The following SH3BGRL2 variants were observed in gnomAD, a reference collection of about 807,000 sequenced individuals.
SH3BGRL2 encodes the protein SH3 domain-binding glutamic acid-rich-like protein 2.
SH3BGRL2 carries 21 observed loss-of-function variants against 14.8 expected under a neutral mutation model. The observed-to-expected ratio is 1.42, with a 90% CI of 1.01 to 2.05. SH3BGRL2 has a LOEUF of 2.05. SH3BGRL2 is among the 30% of genes most tolerant of loss of function. The pLI is 0.00. For synonymous variants in SH3BGRL2, 50 were observed against 47.8 expected (o/e 1.05, Z -0.19); for missense variants, 147 against 130.8 (o/e 1.12, Z -0.61).
upstream of SH3BGRL2, among the ~76,000 whole-genome samples, chr6:79,628,200 T>C (rs1314221962): frequency 1.3e-5 from 2 of 152,144 alleles, no homozygotes; most frequent in East Asian, 3.8e-4. Context: ...CATATCAAAA[T>C]TTTAACATTT....
At chr6:79,548,948 A>C in the SH3BGRL2 span, among the ~76,000 whole-genome samples, 1 of 152,166 alleles carries the variant, frequency 6.6e-6, no homozygotes, top group South Asian at 2.1e-4. Context: ...TCTTATTAAG[A>C]TATAAATTAA....
chr6:79,647,213 G>A (rs1769161619), intron 1 of SH3BGRL2, among the ~76,000 whole-genome samples: 1 of 151,968 alleles, frequency 6.6e-6, no homozygotes, highest in Non-Finnish European at 1.5e-5. Context: ...GTGATTATTT[G>A]TCTTTTTCAT....
chr6:79,558,587 C>T, the SH3BGRL2 span, among the ~76,000 whole-genome samples: 16 of 151,852 alleles, frequency 1.1e-4, no homozygotes, highest in African/African-American at 3.4e-4. Context: ...AAGATTGGCC[C>T]GGTGCGGTGG....
rs773338689 is a variant in SH3BGRL2 at position 79,699,505 on chromosome 6, C to G, written c.320C>G (p.Pro107Arg). The G allele has an allele frequency of 4.1e-6, 3 of 726,878 alleles. No homozygotes were observed. The highest frequency in any genetic ancestry group is 6.3e-6 in the Non-Finnish European group (3 of 473,752). 45.0% of individuals were successfully genotyped at this position (726,878 alleles called of 1,614,324 possible). Residue 107 changes from proline (P) to arginine (R), a missense_variant, in exon 4 of 4, where the codon CCT becomes CGT. Pro to Arg is a moderately radical substitution (Grantham distance 103). Transcript: ENST00000369838. ...TTTTTTTTTTTTTTATAGGCAGAAC[C>G]TTAGAGAAGAAGAGTGGAAGATGAC... ...LKPRLASKAE[P>R]
At chr6:79,549,106 A>C in the SH3BGRL2 span, among the ~76,000 whole-genome samples, 1 of 152,202 alleles carries the variant, frequency 6.6e-6, no homozygotes, top group African/African-American at 2.4e-5. Context: ...AAATAACAGA[A>C]ATGCCATGAA....
At chr6:79,549,825 C>A in the SH3BGRL2 span, among the ~76,000 whole-genome samples, 3 of 152,090 alleles carry the variant, frequency 2.0e-5, no homozygotes, top group Non-Finnish European at 4.4e-5. Context: ...TAATGAGTAA[C>A]CACCACAAAC....
chr6:79,637,879 A>G (rs1231145893), intron 1 of SH3BGRL2, among the ~76,000 whole-genome samples: 1 of 137,100 alleles, frequency 7.3e-6, no homozygotes, highest in Non-Finnish European at 1.6e-5. Flanking sequence ...AGAAAGAAAC[A>G]TTAAGATAAG....
chr6:79,564,269 CA>C, the SH3BGRL2 span, among the ~76,000 whole-genome samples: 1 of 151,426 alleles, frequency 6.6e-6, no homozygotes, highest in Admixed American at 6.6e-5. Context: ...TAAAATAAAT[CA>C]GCTGAAAAAT....
intron 2 of SH3BGRL2, among the ~76,000 whole-genome samples, chr6:79,689,339 G>A (rs78005872): frequency 0.021 from 3,235 of 151,934 alleles, 99 homozygotes; most frequent in African/African-American, 0.075. Flanking sequence ...TAAAAATAAC[G>A]CTTATAATTA....
At chr6:79,587,654 A>G in the SH3BGRL2 span, among the ~76,000 whole-genome samples, 2 of 152,220 alleles carry the variant, frequency 1.3e-5, no homozygotes, top group East Asian at 1.9e-4. Context: ...GGCAGGAAAG[A>G]CTTTCTTCTA....
chr6:79,640,177 C>G (rs1769002894), intron 1 of SH3BGRL2, among the ~76,000 whole-genome samples: 2 of 152,128 alleles, frequency 1.3e-5, no homozygotes, highest in Non-Finnish European at 2.9e-5. Context: ...GAAGCCTGTA[C>G]CAGCTAGAAA....
chr6:79,609,519 C>T, the SH3BGRL2 span, among the ~76,000 whole-genome samples: 1 of 152,188 alleles, frequency 6.6e-6, no homozygotes, highest in Non-Finnish European at 1.5e-5. Flanking sequence ...CTCAGCTCCT[C>T]ATGTGTCTGT....
the SH3BGRL2 span, among the ~76,000 whole-genome samples, chr6:79,595,481 A>G: frequency 6.6e-6 from 1 of 152,226 alleles, no homozygotes; most frequent in South Asian, 2.1e-4. Flanking sequence ...TATTAATAGT[A>G]TTTCAGAGAA....
At chr6:79,584,273 T>A in the SH3BGRL2 span, among the ~76,000 whole-genome samples, 3 of 152,194 alleles carry the variant, frequency 2.0e-5, no homozygotes, top group Admixed American at 2.0e-4. Context: ...CAAGCAGCTG[T>A]CATATGAATG....
chr6:79,584,327 C>T, the SH3BGRL2 span, among the ~76,000 whole-genome samples: 1 of 152,130 alleles, frequency 6.6e-6, no homozygotes, highest in Non-Finnish European at 1.5e-5. Context: ...TACCGGTGAG[C>T]ATGCATTCAG....
chr6:79,586,841 A>G, the SH3BGRL2 span, among the ~76,000 whole-genome samples: 34 of 152,308 alleles, frequency 2.2e-4, no homozygotes, highest in Admixed American at 5.9e-4. Context: ...CCATGCAAAA[A>G]TAGTTTTATG....
At chr6:79,648,343 A>T (rs13198607) in intron 1 of SH3BGRL2, among the ~76,000 whole-genome samples, 2 of 140,380 alleles carry the variant, frequency 1.4e-5, no homozygotes, top group East Asian at 2.0e-4. Flanking sequence ...TTATATATAT[A>T]ATATATATAT....
the SH3BGRL2 span, among the ~76,000 whole-genome samples, chr6:79,620,156 C>CT: frequency 1.1e-4 from 17 of 151,902 alleles, no homozygotes; most frequent in Middle Eastern, 3.4e-3. Context: ...CTGGTTCTCC[C>CT]TTTTTTTTCC....
the SH3BGRL2 span, among the ~76,000 whole-genome samples, chr6:79,540,177 G>GTC: frequency 1.3e-5 from 2 of 152,162 alleles, no homozygotes; most frequent in Non-Finnish European, 2.9e-5. Flanking sequence ...GCTCATGCCT[G>GTC]TAATCCCAGC....
Sources: gnomAD v4.1 joint callset for allele counts (sites outside exome capture counted in the v4.1 genomes callset) on GRCh38, gnomAD v4.1.1 for gene constraint, MANE v1.5 for transcripts, NCBI Gene and HGNC (gene_info 2026-07-23, HGNC 2026-07-21) for gene names.